Variants in QSOX1 observed in about 807,000 individuals in gnomAD.
QSOX1 encodes the protein quiescin sulfhydryl oxidase 1, also known as sulfhydryl oxidase 1.
A neutral mutation model predicts 76.1 loss-of-function variants in QSOX1; 40 were observed. The observed-to-expected ratio is 0.53, with a 90% CI of 0.41 to 0.68. The LOEUF (loss-of-function observed/expected upper bound fraction) is 0.68, where lower values mean the gene tolerates loss of function less well. QSOX1 is among the 30% of genes least tolerant of loss of function. QSOX1 has a pLI of 0.00. For synonymous variants in QSOX1, 392 were observed against 413.1 expected, an observed-to-expected ratio of 0.95 and a Z score of 0.62; for missense variants, 931 against 974.3, an observed-to-expected ratio of 0.96 and a Z score of 0.59.
intron 11 of QSOX1, 98 bp downstream of exon 11, chr1:180,194,490 C>G: frequency 3.4e-6 from 4 of 1,185,120 alleles, no homozygotes; most frequent in African/African-American, 1.5e-5. Context: ...AAGGGACACT[C>G]ATTGTCCCCT....
At chr1:180,195,175 C>T (rs1315587370) in intron 11 of QSOX1, among the ~76,000 whole-genome samples, 2 of 152,192 alleles carry the variant, frequency 1.3e-5, no homozygotes, top group Non-Finnish European at 1.5e-5. Flanking sequence ...CCATTTGACC[C>T]TTCAGCCCCT....
intron 8 of QSOX1, among the ~76,000 whole-genome samples, chr1:180,189,107 C>G (rs1000675750): frequency 2.0e-5 from 3 of 152,206 alleles, no homozygotes; most frequent in African/African-American, 7.2e-5. Flanking sequence ...CCTAACCCAG[C>G]TGGCCAGTCA....
At chr1:180,183,772 C>A in intron 6 of QSOX1, 144 bp from the exon 7 acceptor site, 1 of 977,052 alleles carries the variant, frequency 1.0e-6, no homozygotes, top group Non-Finnish European at 1.5e-6. Flanking sequence ...TCTGGCCTCA[C>A]AGAGGACAAG....
rs34012178 is a variant in QSOX1, at chr1:180,199,655, A to T, written c.*2618A>T. On this transcript the variant is annotated 3_prime_UTR_variant, in exon 12 of 12. Coordinates refer to ENST00000367602, the MANE Select transcript of QSOX1 (RefSeq NM_002826.5). ...GCTAGAAACTGAAGCTAAAACAGATACGTGGTCCCTGCTGCTATGGGGCTT... is the reference window on the plus strand; with the variant it reads ...GCTAGAAACTGAAGCTAAAACAGATTCGTGGTCCCTGCTGCTATGGGGCTT... 3,019 of 152,182 alleles carry T rather than the reference A, an allele frequency of 0.02. 35 individuals are homozygous for T. Among genetic ancestry groups the T allele is most frequent in the African/African-American group, 0.023 (944 of 41,492 alleles). The allele number at this position is 152,182 out of a possible 1,614,324, so 9.4% of individuals were successfully genotyped here.
At chr1:180,174,540 T>TA (rs1161344423) in intron 2 of QSOX1, among the ~76,000 whole-genome samples, 1 of 152,092 alleles carries the variant, frequency 6.6e-6, no homozygotes, top group African/African-American at 2.4e-5. Context: ...TTTTCCCAAG[T>TA]AAGGAGCAAG....
rs146785605 is a variant in QSOX1 at position 180,184,049 on chromosome 1, C to A, written c.886C>A (p.Arg296Ser). ...TCCCACTGTTTGGAAATTGGCAGAT[C>A]GGTAAGGCTACGCCTGGTTCTCCTC... The part of the protein sequence containing the change: ...IAPTVWKLAD[R>S]SKIYMADLES... Residue 296 changes from arginine (R) to serine (S), a missense_variant and splice_region_variant, in exon 7 of 12, where the codon CGC becomes AGC. Arg to Ser is a moderately radical substitution (Grantham distance 110, BLOSUM62 -1). Transcript: ENST00000367602. 1 of 1,614,124 alleles carries A rather than the reference C, an allele frequency of 6.2e-7. No homozygotes were observed. Among genetic ancestry groups the A allele is most frequent in the Admixed American group, 1.7e-5 (1 of 60,026 alleles).
At chr1:180,169,428 A>G (rs897477030) in intron 2 of QSOX1, among the ~76,000 whole-genome samples, 1 of 152,192 alleles carries the variant, frequency 6.6e-6, no homozygotes, top group South Asian at 2.1e-4. Flanking sequence ...TGTGGTTTCA[A>G]ATCCAGGCCT....
intron 4 of QSOX1, among the ~76,000 whole-genome samples, chr1:180,177,738 C>G (rs1662933584): frequency 2.0e-5 from 3 of 152,186 alleles, no homozygotes; most frequent in Admixed American, 2.0e-4. Flanking sequence ...CACCTGATGC[C>G]ACCCTAAAGG....
intron 1 of QSOX1, 121 bp downstream of exon 1, chr1:180,155,293 C>T (rs2149227095): frequency 4.3e-6 from 4 of 932,494 alleles, no homozygotes; most frequent in Non-Finnish European, 6.0e-6. Context: ...CCCACCTCTT[C>T]CTCTCCGCGC....
rs201366696 is a variant in QSOX1, at chr1:180,178,777, A to G, written c.516-17A>G. On this transcript the variant is annotated splice_polypyrimidine_tract_variant and intron_variant, in intron 4 of 11. Transcript: ENST00000367602. The stretch of plus-strand genomic sequence containing the variant: ...CTGCTGGCTGTGCAGAGTGACTGCC[A>G]GAATTGTCTCTTGCAGGCTGGAGGA... 6.1e-5 allele frequency: 99 copies of G among 1,610,416 alleles called. No individual in the cohort carries two copies. In the East Asian group the frequency reaches 1.5e-3, roughly 25 times the overall value.
intron 1 of QSOX1, among the ~76,000 whole-genome samples, chr1:180,166,198 C>T (rs1238141784): frequency 6.6e-6 from 1 of 152,220 alleles, no homozygotes; most frequent in Admixed American, 6.5e-5. Flanking sequence ...TTCAACATCT[C>T]TCAGCCCCCA....
chr1:180,165,386 G>A (rs2149231196), intron 1 of QSOX1, among the ~76,000 whole-genome samples: 1 of 152,374 alleles, frequency 6.6e-6, no homozygotes, highest in African/African-American at 2.4e-5. Flanking sequence ...TGTCCAGGCA[G>A]ACACTCCCAG....
At chr1:180,155,278 C>A in intron 1 of QSOX1, 106 bp downstream of exon 1, 1 of 1,032,776 alleles carries the variant, frequency 9.7e-7, no homozygotes, top group Non-Finnish European at 1.3e-6. Flanking sequence ...TTCCAGTCAC[C>A]TCCGCCCACC....
chr1:180,161,408 A>G (rs1662490845), intron 1 of QSOX1, among the ~76,000 whole-genome samples: 1 of 152,210 alleles, frequency 6.6e-6, no homozygotes, highest in African/African-American at 2.4e-5. Context: ...TGCAGTACCT[A>G]TAGATTCATC....
chr1:180,189,239 G>A (rs1158120782), intron 8 of QSOX1, among the ~76,000 whole-genome samples: 3 of 152,138 alleles, frequency 2.0e-5, no homozygotes, highest in Non-Finnish European at 4.4e-5. Flanking sequence ...GCACATGGTC[G>A]GGGGGTGCTG....
At position 180,175,125 on chromosome 1, in the gene QSOX1, C is replaced by T. The variant is rs894112317; in HGVS notation, c.367-196C>T. The stretch of plus-strand genomic sequence containing the variant: ...TGAGCCGAGATCGCGCCACTGCACT[C>T]CAGCCTGAGCGACAGAGCGAGACTC... On this transcript the variant is annotated intron_variant, in intron 2 of 11. Coordinates refer to ENST00000367602, the MANE Select transcript of QSOX1 (RefSeq NM_002826.5). 1.3e-5 allele frequency among the ~76,000 whole-genome samples: 2 copies of T among 150,732 alleles called. 1 individual carries two copies. The highest frequency in any genetic ancestry group is 3.0e-5 in the Non-Finnish European group (2 of 67,762).
chr1:180,197,028 T>G lies in QSOX1; in HGVS notation c.2235T>G (p.Pro745=), dbSNP rs1663511238. The G allele has an allele frequency of 6.2e-7, 1 of 1,608,768 alleles. No homozygotes were observed. ...CCCTGAAGGGCCATGCTGGCCACCC[T>G]GCAGCCTGAACCACCTGGGGAGGAG... ...IRALKGHAGH[P]AA is the part of the protein sequence containing the mutation. The change falls in exon 12 of 12, where the codon CCT becomes CCG. Residue 745 remains proline (P), a synonymous_variant. Transcript: ENST00000367602.
At chr1:180,183,364 A>C (rs1292495149) in intron 6 of QSOX1, among the ~76,000 whole-genome samples, 7 of 66,988 alleles carry the variant, frequency 1.0e-4, no homozygotes, top group Non-Finnish European at 2.5e-4. Flanking sequence ...CTGTCGGAAA[A>C]AAGAAAGAAA....
intron 8 of QSOX1, among the ~76,000 whole-genome samples, chr1:180,187,772 AG>A (rs1452134750): frequency 6.6e-6 from 1 of 152,200 alleles, no homozygotes; most frequent in Non-Finnish European, 1.5e-5. Context: ...TAGGGCTGGC[AG>A]TGGGGTGGAG....
Sources: allele counts gnomAD v4.1 joint callset (sites outside exome capture counted in the v4.1 genomes callset), GRCh38; gene constraint gnomAD v4.1.1; transcripts MANE v1.5; gene names NCBI Gene and HGNC (gene_info 2026-07-23, HGNC 2026-07-21).